Variants in PARD3B observed in about 807,000 individuals in gnomAD.
PARD3B encodes the protein par-3 family cell polarity regulator beta.
Under a neutral mutation model 130.2 loss-of-function variants are expected in PARD3B, and 103 were observed. That is an observed-to-expected ratio of 0.79 (90% CI 0.67 to 0.93). The LOEUF (loss-of-function observed/expected upper bound fraction) is 0.93. PARD3B is among the 40% of genes least tolerant of loss of function. The pLI is 0.00. For missense variants in PARD3B, 1,609 were observed against 1,499.2 expected (o/e 1.07, Z -1.21); for synonymous variants, 583 against 553.2 (o/e 1.05, Z -0.76).
intron 18 of PARD3B, among the ~76,000 whole-genome samples, chr2:205,367,158 A>G (rs2044640289): frequency 6.6e-6 from 1 of 152,246 alleles, no homozygotes; most frequent in Non-Finnish European, 1.5e-5. Flanking sequence ...ACATTTCAAA[A>G]GAATGCAGTG....
intron 1 of PARD3B, among the ~76,000 whole-genome samples, chr2:204,598,141 C>A (rs2033371638): frequency 6.6e-6 from 1 of 152,066 alleles, no homozygotes; most frequent in Non-Finnish European, 1.5e-5. Flanking sequence ...TTGTTTCCAT[C>A]CTGAAGTTGC....
chr2:205,031,395 G>A (rs1016286114), intron 3 of PARD3B, among the ~76,000 whole-genome samples: 3 of 152,034 alleles, frequency 2.0e-5, no homozygotes, highest in African/African-American at 7.2e-5. Flanking sequence ...TTTGAAAATA[G>A]CACTGTGCAT....
intron 22 of PARD3B, among the ~76,000 whole-genome samples, chr2:205,556,396 G>C (rs1405290152): frequency 2.0e-5 from 3 of 152,132 alleles, no homozygotes; most frequent in African/African-American, 7.2e-5. Flanking sequence ...AGTAGGTGAG[G>C]AGCTCTGGTC....
intron 13 of PARD3B, among the ~76,000 whole-genome samples, chr2:205,178,529 G>A (rs1361397514): frequency 1.3e-5 from 2 of 152,190 alleles, no homozygotes; most frequent in Non-Finnish European, 2.9e-5. Flanking sequence ...TAGCAAAAGA[G>A]CCTGGGAAAG....
intron 2 of PARD3B, among the ~76,000 whole-genome samples, chr2:204,832,275 G>A (rs1220943155): frequency 6.6e-6 from 1 of 152,004 alleles, no homozygotes; most frequent in Admixed American, 6.6e-5. Flanking sequence ...TCATATTCTG[G>A]ACCAACTGGA....
intron 2 of PARD3B, among the ~76,000 whole-genome samples, chr2:204,826,446 C>T (rs1180521537): frequency 6.6e-6 from 1 of 152,146 alleles, no homozygotes; most frequent in East Asian, 1.9e-4. Flanking sequence ...GGGCACAATT[C>T]ATTGCCCTGT....
intron 18 of PARD3B, among the ~76,000 whole-genome samples, chr2:205,355,155 C>T (rs2044145730): frequency 6.6e-6 from 1 of 152,152 alleles, no homozygotes; most frequent in Non-Finnish European, 1.5e-5. Flanking sequence ...TAATACTTTG[C>T]TGTTGCTGTC....
chr2:205,062,097 A>C (rs1700096650), intron 4 of PARD3B, among the ~76,000 whole-genome samples: 2 of 152,146 alleles, frequency 1.3e-5, no homozygotes, highest in South Asian at 4.2e-4. Flanking sequence ...TCACTTGTTT[A>C]CAGGGTGGAT....
At chr2:204,860,104 T>G (rs2045120489) in intron 2 of PARD3B, among the ~76,000 whole-genome samples, 1 of 152,152 alleles carries the variant, frequency 6.6e-6, no homozygotes, top group Non-Finnish European at 1.5e-5. Context: ...GAAGAATAAT[T>G]TATTGTAATT....
At chr2:204,574,896 C>T (rs1474180957) in intron 1 of PARD3B, among the ~76,000 whole-genome samples, 7 of 152,168 alleles carry the variant, frequency 4.6e-5, no homozygotes, top group Non-Finnish European at 1.0e-4. Context: ...AAATTAACAG[C>T]ATACGCTTTA....
At chr2:204,700,023 G>C (rs1248266756) in intron 2 of PARD3B, among the ~76,000 whole-genome samples, 1 of 152,044 alleles carries the variant, frequency 6.6e-6, no homozygotes, top group Non-Finnish European at 1.5e-5. Flanking sequence ...GAAAACTTGT[G>C]TATTTCCTGC....
chr2:204,686,056 C>A, intron 1 of PARD3B, 125 bp from the exon 2 acceptor site: 1 of 638,594 alleles, frequency 1.6e-6, no homozygotes, highest in South Asian at 2.2e-5. Context: ...CATTTGTTTT[C>A]AGTGTTTAAA....
At chr2:204,970,377 G>T (rs1037590331) in intron 3 of PARD3B, among the ~76,000 whole-genome samples, 2 of 152,158 alleles carry the variant, frequency 1.3e-5, no homozygotes, top group South Asian at 4.1e-4. Context: ...ACAAATTTGG[G>T]ACACATTCTA....
chr2:205,216,013 G>C (rs2037887593), intron 15 of PARD3B, among the ~76,000 whole-genome samples: 1 of 152,088 alleles, frequency 6.6e-6, no homozygotes, highest in South Asian at 2.1e-4. Context: ...GTGTATGTGT[G>C]TGTGTATGTA....
At chr2:204,996,994 G>C (rs1378717791) in intron 3 of PARD3B, among the ~76,000 whole-genome samples, 1 of 152,080 alleles carries the variant, frequency 6.6e-6, no homozygotes, top group Non-Finnish European at 1.5e-5. Flanking sequence ...ACTCCCTAGT[G>C]AGATGAACCC....
intron 1 of PARD3B, among the ~76,000 whole-genome samples, chr2:204,638,523 T>C (rs910920677): frequency 2.0e-5 from 3 of 152,228 alleles, no homozygotes; most frequent in Non-Finnish European, 4.4e-5. Context: ...AATTTTGTTA[T>C]TTAGAGTAAA....
intron 1 of PARD3B, among the ~76,000 whole-genome samples, chr2:204,653,894 G>A (rs2125172464): frequency 6.6e-6 from 1 of 151,162 alleles, no homozygotes; most frequent in Non-Finnish European, 1.5e-5. Flanking sequence ...AATTTGGGAG[G>A]AAAGTTTGAG....
chr2:205,392,823 G>T (rs761485453), intron 18 of PARD3B, among the ~76,000 whole-genome samples: 30 of 152,296 alleles, frequency 2.0e-4, no homozygotes, highest in South Asian at 4.2e-4. Context: ...CATAGCCAAG[G>T]CAGTGTGGGG....
At chr2:205,481,143 A>T (rs146198442) in intron 20 of PARD3B, among the ~76,000 whole-genome samples, 1 of 152,208 alleles carries the variant, frequency 6.6e-6, no homozygotes, top group Non-Finnish European at 1.5e-5. Flanking sequence ...AAACGTGATG[A>T]CAAGGCAGTG....
Sources: gnomAD v4.1 joint callset for allele counts (sites outside exome capture counted in the v4.1 genomes callset) on GRCh38, gnomAD v4.1.1 for gene constraint, MANE v1.5 for transcripts, NCBI Gene and HGNC (gene_info 2026-07-23, HGNC 2026-07-21) for gene names.